TMEM72: variants seen among roughly 807,000 people sequenced by gnomAD.
TMEM72 encodes kidney-specific secretory protein of 37 kDa.
Under a neutral mutation model 16.3 loss-of-function variants are expected in TMEM72, and 9 were observed. The observed-to-expected ratio is 0.55, with a 90% CI of 0.33 to 0.96. The LOEUF (loss-of-function observed/expected upper bound fraction) is 0.96. Ranked by LOEUF, TMEM72 falls within the 40% of genes least tolerant of loss-of-function variation. The probability of loss-of-function intolerance (pLI) is 0.03; values close to 1 mark genes in which losing one functional copy is unlikely to be tolerated. For synonymous variants in TMEM72, 160 were observed against 146.5 expected, an observed-to-expected ratio of 1.09 and a Z score of -0.66; for missense variants, 324 against 337.8, an observed-to-expected ratio of 0.96 and a Z score of 0.32.
rs2132734798 is a variant in TMEM72 at position 44,935,346 on chromosome 10, G to A, written c.*212G>A. 1 of 500,686 alleles carries A rather than the reference G, an allele frequency of 2.0e-6. No individual in the cohort carries two copies. Among genetic ancestry groups the A allele is most frequent in the South Asian group, 3.7e-5 (1 of 27,130 alleles). 31.0% of individuals were successfully genotyped at this position (500,686 alleles called of 1,614,324 possible). Reference sequence around the variant, plus strand: ...ACAAACAAGGCTCACGCCACCTCAAGCCAGCACAAGCTCCTTCCTCCTGGC... The same window carrying A: ...ACAAACAAGGCTCACGCCACCTCAAACCAGCACAAGCTCCTTCCTCCTGGC... On this transcript the variant is annotated 3_prime_UTR_variant, in exon 5 of 5. Coordinates refer to ENST00000389583, the MANE Select transcript of TMEM72 (RefSeq NM_001123376.3).
chr10:44,914,947 G>T (rs552730521), intron 1 of TMEM72, among the ~76,000 whole-genome samples: 1 of 152,300 alleles, frequency 6.6e-6, no homozygotes, highest in South Asian at 2.1e-4. Flanking sequence ...TGCTGAGGTG[G>T]CCAGGAAGAG....
intron 2 of TMEM72, among the ~76,000 whole-genome samples, chr10:44,929,621 C>G (rs950229764): frequency 1.3e-5 from 2 of 152,258 alleles, no homozygotes; most frequent in African/African-American, 4.8e-5. Flanking sequence ...CATTTCCACA[C>G]TGCCATCTAG....
rs368566502 is a variant in TMEM72 at position 44,928,240 on chromosome 10, A to G, written c.137+253A>G. Among the ~76,000 whole-genome samples, 141 of 152,006 alleles carry G rather than the reference A, an allele frequency of 9.3e-4. 1 individual carries two copies. The highest frequency in any genetic ancestry group is 3.3e-3 in the African/African-American group (138 of 41,470). On this transcript the variant is annotated intron_variant, in intron 2 of 4. Transcript: ENST00000389583. Reference sequence around the variant, plus strand: ...CAGCCAGCCACCCATCTATCCATCCATCTGCCCATCCATTCGTCAGCCCAC... The same window carrying G: ...CAGCCAGCCACCCATCTATCCATCCGTCTGCCCATCCATTCGTCAGCCCAC...
intron 3 of TMEM72, among the ~76,000 whole-genome samples, chr10:44,933,242 C>T (rs1030194357): frequency 6.6e-6 from 1 of 152,224 alleles, no homozygotes; most frequent in Non-Finnish European, 1.5e-5. Context: ...CCTGGCCAAG[C>T]CTCTTATGCA....
At chr10:44,915,251 G>A (rs1839997186) in intron 1 of TMEM72, among the ~76,000 whole-genome samples, 1 of 152,190 alleles carries the variant, frequency 6.6e-6, no homozygotes, top group South Asian at 2.1e-4. Flanking sequence ...CCTCTGCCCA[G>A]AGCAGAGGTT....
intron 1 of TMEM72, among the ~76,000 whole-genome samples, chr10:44,913,287 T>A (rs1185260985): frequency 6.6e-6 from 1 of 152,060 alleles, no homozygotes; most frequent in African/African-American, 2.4e-5. Flanking sequence ...AATCCCACAG[T>A]TCCCCCAGCC....
chr10:44,932,137 C>T, intron 3 of TMEM72, 68 bp downstream of exon 3: 1 of 1,523,288 alleles, frequency 6.6e-7, no homozygotes, highest in Non-Finnish European at 9.0e-7. Flanking sequence ...TGTCTCCACC[C>T]AAGAGCCCAC....
intron 1 of TMEM72, among the ~76,000 whole-genome samples, chr10:44,918,476 C>T (rs1372852287): frequency 1.3e-5 from 2 of 152,140 alleles, no homozygotes; most frequent in Non-Finnish European, 2.9e-5. Context: ...CTTCTCAACT[C>T]ATTCTATAAA....
intron 3 of TMEM72, among the ~76,000 whole-genome samples, chr10:44,933,346 C>T (rs1293202739): frequency 4.6e-5 from 7 of 152,262 alleles, no homozygotes; most frequent in Non-Finnish European, 2.9e-5. Context: ...CCTGAGCCTC[C>T]AGCTGTCTTC....
At chr10:44,921,113 G>T (rs967345875) in intron 1 of TMEM72, among the ~76,000 whole-genome samples, 2 of 152,210 alleles carry the variant, frequency 1.3e-5, no homozygotes, top group Admixed American at 6.5e-5. Context: ...ACCAAGGTTG[G>T]ATCTGGCCCA....
Position 44,935,687 on chromosome 10 carries a change from G to A in TMEM72, c.*553G>A, listed in dbSNP as rs1024418263. 3.9e-5 allele frequency: 6 copies of A among 152,692 alleles called. No individual in the cohort carries two copies. The highest frequency in any genetic ancestry group is 7.3e-5 in the Non-Finnish European group (5 of 68,446). 9.5% of individuals were successfully genotyped at this position (152,692 alleles called of 1,614,324 possible). On this transcript the variant is annotated 3_prime_UTR_variant, in exon 5 of 5. Coordinates refer to ENST00000389583, the MANE Select transcript of TMEM72 (RefSeq NM_001123376.3). ...GGCCTCTGGTGGGAGCAGCCGGGCC[G>A]TGGGCCACATTCTCTGCATGCTCTA...
rs374292610 is a variant in TMEM72 at position 44,934,737 on chromosome 10, C to A, written c.431C>A (p.Ala144Asp). 4.3e-6 allele frequency: 7 copies of A among 1,612,842 alleles called. No homozygotes were observed. The African/African-American group carries it at 9.3e-5, about 22-fold the overall frequency. The change falls in exon 5 of 5, where the codon GCC becomes GAC. Residue 144 changes from alanine to aspartate, a missense_variant. Coordinates refer to ENST00000389583, the MANE Select transcript of TMEM72 (RefSeq NM_001123376.3). ...KKRKAAPEVL[A>D]SPEQYTDPSS... ...AGGAAAGCTGCCCCCGAGGTGCTGG[C>A]CTCCCCAGAGCAGTACACAGACCCC...
intron 1 of TMEM72, among the ~76,000 whole-genome samples, chr10:44,926,151 TCA>T: frequency 6.7e-6 from 1 of 149,458 alleles, no homozygotes; most frequent in South Asian, 2.1e-4. Context: ...ACATATATAC[TCA>T]CATATACACA....
intron 1 of TMEM72, among the ~76,000 whole-genome samples, chr10:44,924,604 AGAG>A (rs533576978): frequency 1.5e-3 from 234 of 152,368 alleles, no homozygotes; most frequent in African/African-American, 5.1e-3. Flanking sequence ...AGCAGGGGAC[AGAG>A]GAGGGACTCG....
At chr10:44,926,945 A>G (rs1302120481) in intron 1 of TMEM72, among the ~76,000 whole-genome samples, 1 of 152,112 alleles carries the variant, frequency 6.6e-6, no homozygotes, top group Non-Finnish European at 1.5e-5. Flanking sequence ...TGTCTCTGCC[A>G]GGGAAGAGGA....
At chr10:44,916,719 T>A (rs563086591) in intron 1 of TMEM72, among the ~76,000 whole-genome samples, 15 of 152,324 alleles carry the variant, frequency 9.8e-5, no homozygotes, top group African/African-American at 3.4e-4. Context: ...CTGTTACAAT[T>A]GGCTCCACAA....
chr10:44,935,250 C>T lies in TMEM72; in HGVS notation c.*116C>T, dbSNP rs757760456. On this transcript the variant is annotated 3_prime_UTR_variant, in exon 5 of 5. Coordinates refer to ENST00000389583, the MANE Select transcript of TMEM72 (RefSeq NM_001123376.3). The stretch of plus-strand genomic sequence containing the variant: ...TTCAAGGGGTAACCAGACACCCCCA[C>T]ACTGGCTGGGCCCCTGAGGCCATCA... The T allele has an allele frequency of 2.6e-5, 28 of 1,064,448 alleles. No individual in the cohort carries two copies. Among genetic ancestry groups the T allele is most frequent in the South Asian group, 8.7e-5 (5 of 57,344 alleles). 65.9% of individuals were successfully genotyped at this position (1,064,448 alleles called of 1,614,324 possible).
chr10:44,912,323 CCAGGGCAGGCCTGA>C (rs1839949735), intron 1 of TMEM72, among the ~76,000 whole-genome samples: 1 of 152,226 alleles, frequency 6.6e-6, no homozygotes, highest in African/African-American at 2.4e-5. Flanking sequence ...GCTCGCTTCC[CCAGGGCAGGCCTGA>C]CCCTTAGCCC....
chr10:44,914,498 C>A (rs971780581), intron 1 of TMEM72, among the ~76,000 whole-genome samples: 2 of 152,200 alleles, frequency 1.3e-5, no homozygotes, highest in Admixed American at 1.3e-4. Flanking sequence ...TGCTGAGACG[C>A]GGCATCCATT....
Sources: allele counts gnomAD v4.1 joint callset (sites outside exome capture counted in the v4.1 genomes callset), GRCh38; gene constraint gnomAD v4.1.1; transcripts MANE v1.5; gene names NCBI Gene and HGNC (gene_info 2026-07-23, HGNC 2026-07-21).